The following OGFOD1 variants were observed in gnomAD, a reference collection of about 807,000 sequenced individuals.
OGFOD1 encodes 2-oxoglutarate and iron dependent oxygenase domain containing 1.
A neutral mutation model predicts 67.7 loss-of-function variants in OGFOD1; 54 were observed. The ratio of observed to expected loss-of-function variants is 0.80; its 90% CI spans 0.64 to 1.00. The LOEUF is 1.00. OGFOD1 is among the 50% of genes least tolerant of loss of function. The pLI is 0.00. For missense variants in OGFOD1, 606 were observed against 646.7 expected (o/e 0.94, Z 0.68); for synonymous variants, 221 against 227.0 (o/e 0.97, Z 0.24).
At chr16:56,463,099 C>T (rs1962770360) in intron 4 of OGFOD1, among the ~76,000 whole-genome samples, 1 of 152,126 alleles carries the variant, frequency 6.6e-6, no homozygotes, top group Non-Finnish European at 1.5e-5. Context: ...CTCCCTGCTC[C>T]CTCTTCTCTT....
chr16:56,461,640 G>A (rs1962713345), intron 3 of OGFOD1, among the ~76,000 whole-genome samples: 1 of 152,098 alleles, frequency 6.6e-6, no homozygotes, highest in Non-Finnish European at 1.5e-5. Context: ...GGCACACTGG[G>A]GGCAGTCTCA....
At chr16:56,470,812 G>C (rs13337155) in intron 10 of OGFOD1, 21 bp downstream of exon 10, 351,694 of 1,544,364 alleles carry the variant, frequency 0.23, 42,090 homozygotes, top group South Asian at 0.25. Context: ...GTTAGGATTT[G>C]TCCTTACTTA....
intron 5 of OGFOD1, among the ~76,000 whole-genome samples, chr16:56,466,639 C>A (rs1406037550): frequency 1.3e-5 from 2 of 152,104 alleles, no homozygotes; most frequent in African/African-American, 4.8e-5. Context: ...GAAGTTGACT[C>A]CAGGAAACTT....
At chr16:56,466,419 A>C in intron 5 of OGFOD1, 151 bp downstream of exon 5, 2 of 600,608 alleles carry the variant, frequency 3.3e-6, no homozygotes, top group Non-Finnish European at 5.9e-6. Context: ...AAGAGGAATA[A>C]ATGCCAGCCC....
chr16:56,476,385 T>C lies in OGFOD1; in HGVS notation c.*180T>C. On this transcript the variant is annotated 3_prime_UTR_variant, in exon 13 of 13. Coordinates refer to ENST00000566157, the MANE Select transcript of OGFOD1 (RefSeq NM_018233.4). ...TCAACCGAGACCTTGAGCTTGCAGC[T>C]AAGTACTTATCTCTTGATTAAAAAA... is the stretch of plus-strand genomic sequence containing the variant. 1 of 427,468 alleles carries C rather than the reference T, an allele frequency of 2.3e-6. No homozygotes were observed. Among genetic ancestry groups the C allele is most frequent in the Non-Finnish European group, 4.0e-6 (1 of 250,906 alleles). The allele number at this position is 427,468 out of a possible 1,614,324, so 26.5% of individuals were successfully genotyped here. A position where few individuals can be genotyped will look rare whatever the true frequency, so the allele number is the denominator to read the frequency against.
intron 4 of OGFOD1, among the ~76,000 whole-genome samples, chr16:56,464,941 T>C (rs1409846655): frequency 6.6e-6 from 1 of 152,124 alleles, no homozygotes; most frequent in African/African-American, 2.4e-5. Context: ...GTGGTGAATA[T>C]CTGTATACAT....
At chr16:56,461,425 G>A (rs953971317) in intron 3 of OGFOD1, among the ~76,000 whole-genome samples, 8 of 152,280 alleles carry the variant, frequency 5.3e-5, no homozygotes, top group East Asian at 1.9e-4. Flanking sequence ...CATCCCTTCC[G>A]TCTGGCTGTT....
At chr16:56,453,237 C>T in intron 1 of OGFOD1, 26 bp from the exon 2 acceptor site, 8 of 1,595,690 alleles carry the variant, frequency 5.0e-6, no homozygotes, top group Non-Finnish European at 6.8e-6. Context: ...GGAAAAAAGC[C>T]ATAGATAATG....
At chr16:56,466,741 G>T in intron 5 of OGFOD1, 135 bp from the exon 6 acceptor site, 1 of 699,508 alleles carries the variant, frequency 1.4e-6, no homozygotes, top group South Asian at 1.7e-5. Flanking sequence ...GAGTGAAGCA[G>T]ATGGAAAGGG....
chr16:56,471,409 T>C (rs1289859087), intron 10 of OGFOD1, among the ~76,000 whole-genome samples: 4 of 150,264 alleles, frequency 2.7e-5, no homozygotes, highest in Non-Finnish European at 5.9e-5. Flanking sequence ...CTTAGGCGAA[T>C]AGATGATTTA....
intron 2 of OGFOD1, among the ~76,000 whole-genome samples, chr16:56,455,538 T>G (rs1166196223): frequency 6.6e-6 from 1 of 152,180 alleles, no homozygotes; most frequent in Non-Finnish European, 1.5e-5. Context: ...CTCTTCACCC[T>G]AAGACAGTAG....
At chr16:56,454,700 G>C in intron 2 of OGFOD1, 2 of 348,616 alleles carry the variant, frequency 5.7e-6, no homozygotes, top group Non-Finnish European at 1.1e-5. Flanking sequence ...TTTTTTTTTT[G>C]CATTTTCCCA....
intron 4 of OGFOD1, among the ~76,000 whole-genome samples, chr16:56,464,257 C>G (rs569785444): frequency 5.9e-4 from 90 of 152,262 alleles, no homozygotes; most frequent in African/African-American, 2.1e-3. Context: ...TCAGGTGGTG[C>G]ATGGTTTCAG....
In OGFOD1 at chr16:56,466,186, G is replaced by A. The variant is rs1429687086; in HGVS notation, c.483G>A (p.Gly161=). 6 of 1,613,998 alleles carry A rather than the reference G, an allele frequency of 3.7e-6. No individual in the cohort carries two copies. Among genetic ancestry groups the A allele is most frequent in the Non-Finnish European group, 5.1e-6 (6 of 1,179,992 alleles). Residue 161 remains glycine (G), a synonymous_variant, in exon 5 of 13, where the codon GGG becomes GGA. Coordinates refer to ENST00000566157, the MANE Select transcript of OGFOD1 (RefSeq NM_018233.4). Reference sequence around the variant, plus strand: ...TGTGCCATGATGATGAGCTGGAAGGGCGCCGGATTGCCTTCATCCTGTACC... The same window carrying A: ...TGTGCCATGATGATGAGCTGGAAGGACGCCGGATTGCCTTCATCCTGTACC... ...ALLCHDDELE[G]RRIAFILYLV... is the part of the protein sequence containing the mutation.
Position 56,474,937 on chromosome 16 carries a change from C to G in OGFOD1, c.1395C>G (p.Tyr465Ter), listed in dbSNP as rs1270774160. The part of the protein sequence containing the change: ...KAEFALDLIL[Y>*]CGCEGWEPEY... ...AATTTGCCCTAGACTTAATTCTGTA[C>G]TGTGGCTGTGAAGGTAAGAGGGAGG... The change falls in exon 11 of 13, where the codon TAC becomes TAG. Residue 465 changes from tyrosine to a stop codon, truncating the protein, a stop_gained. Coordinates refer to ENST00000566157, the MANE Select transcript of OGFOD1 (RefSeq NM_018233.4). LOFTEE classifies it high-confidence loss of function. 1 of 1,613,532 alleles carries G rather than the reference C, an allele frequency of 6.2e-7. No individual in the cohort carries two copies. Among genetic ancestry groups the G allele is most frequent in the Admixed American group, 1.7e-5 (1 of 59,970 alleles).
chr16:56,463,665 G>A (rs138137599), intron 4 of OGFOD1, among the ~76,000 whole-genome samples: 4 of 150,074 alleles, frequency 2.7e-5, no homozygotes, highest in East Asian at 1.9e-4. Flanking sequence ...CAAGTGATCC[G>A]CCTGCCTTTG....
chr16:56,475,074 A>G, intron 11 of OGFOD1, 124 bp downstream of exon 11: 1 of 996,534 alleles, frequency 1.0e-6, no homozygotes, highest in Non-Finnish European at 1.5e-6. Context: ...ACATCATGGG[A>G]TCTCAAAGTC....
rs1206098017 is a variant in OGFOD1, at chr16:56,458,531, C to CT, written c.301-16dup. 6.2e-7 allele frequency: 1 copy of CT among 1,610,604 alleles called. No individual in the cohort carries two copies. The highest frequency in any genetic ancestry group is 8.5e-7 in the Non-Finnish European group (1 of 1,177,256). On this transcript the variant is annotated splice_polypyrimidine_tract_variant and intron_variant, in intron 2 of 12. Coordinates refer to ENST00000566157, the MANE Select transcript of OGFOD1 (RefSeq NM_018233.4). ...TGTGAAGGAAATCCCTTTTTTTTCT[C>CT]TATTTTCATGATCAAGTCTGATGAT...
chr16:56,464,732 A>C (rs1345188408), intron 4 of OGFOD1, among the ~76,000 whole-genome samples: 1 of 150,562 alleles, frequency 6.6e-6, no homozygotes, highest in Admixed American at 6.6e-5. Flanking sequence ...TTTTTTTCCT[A>C]CTTTCTGCAA....
Sources: gnomAD v4.1 joint callset for allele counts (sites outside exome capture counted in the v4.1 genomes callset) on GRCh38, gnomAD v4.1.1 for gene constraint, MANE v1.5 for transcripts, NCBI Gene and HGNC (gene_info 2026-07-23, HGNC 2026-07-21) for gene names.